DENND3: variants seen among roughly 807,000 people sequenced by gnomAD.
DENND3 encodes DENN domain-containing protein 3.
DENND3 carries 88 observed loss-of-function variants against 135.1 expected under a neutral mutation model. That is an observed-to-expected ratio of 0.65 (90% CI 0.55 to 0.78). The LOEUF is 0.78. Among genes scored for constraint, DENND3 ranks in the 30% least tolerant of loss-of-function variants. DENND3 has a pLI of 0.00. For synonymous variants in DENND3, 693 were observed against 712.3 expected (o/e 0.97, Z 0.43); for missense variants, 1,392 against 1,688.4 (o/e 0.82, Z 3.08).
chr8:141,136,702 TC>T lies in DENND3; in HGVS notation c.299del (p.Pro100ArgfsTer48). The T allele has an allele frequency of 2.5e-6, 4 of 1,612,674 alleles. No individual in the cohort carries two copies. Among genetic ancestry groups the T allele is most frequent in the African/African-American group, 1.3e-5 (1 of 75,020 alleles). ...CCCAGACCAGAGCAGTGGAAGGGCC[TC>T]CCGGGGCCCCCCAGAGCGCCAGAGC... Reference protein sequence around the residue: ...EKPRPEQWKGLPGPPRAPEPE... With the variant: ...EKPRPEQWKGXPGPPRAPEPE... On this transcript the variant is annotated frameshift_variant, in exon 2 of 23. Coordinates refer to ENST00000519811, the MANE Select transcript of DENND3 (RefSeq NM_001352890.3). LOFTEE classifies it high-confidence loss of function.
intron 22 of DENND3, chr8:141,193,689 G>A (rs901004194): frequency 1.5e-5 from 5 of 339,306 alleles, no homozygotes; most frequent in African/African-American, 4.1e-5. Flanking sequence ...GGTATACAAG[G>A]TGATATTTCA....
In DENND3 at chr8:141,154,030, T is replaced by A. The variant is rs1819138444; in HGVS notation, c.1075-1819T>A. 6.6e-6 allele frequency among the ~76,000 whole-genome samples: 1 copy of A among 152,214 alleles called. No individual in the cohort carries two copies. Among genetic ancestry groups the A allele is most frequent in the Non-Finnish European group, 1.5e-5 (1 of 68,036 alleles). ...TATGCGCCTCCACCAAACACTTGTG[T>A]CTCCCAAAGACGCTGGGCGTTAACA... On this transcript the variant is annotated intron_variant, in intron 7 of 22. Transcript: ENST00000519811. This position sits in a 1 kb window ranked among gnomAD's most constrained non-coding sequence, Gnocchi z 4.4.
intron 20 of DENND3, 108 bp from the exon 21 acceptor site, chr8:141,192,223 A>T: frequency 6.8e-7 from 1 of 1,481,470 alleles, no homozygotes; most frequent in Non-Finnish European, 9.1e-7. Flanking sequence ...GCACGTGGTG[A>T]TCCCCCCCAT....
rs879678183 is a variant in DENND3 at position 141,130,866 on chromosome 8, T to C, written c.102+2057T>C. Among the ~76,000 whole-genome samples the C allele has an allele frequency of 2.6e-5, 4 of 152,114 alleles. No individual in the cohort carries two copies. The highest frequency in any genetic ancestry group is 2.6e-4 in the Admixed American group (4 of 15,268). On this transcript the variant is annotated intron_variant, in intron 1 of 22. Coordinates refer to ENST00000519811, the MANE Select transcript of DENND3 (RefSeq NM_001352890.3). The surrounding 1 kb of genome is among the most constrained non-coding windows in gnomAD (Gnocchi z 4.2). ...CATGCCCAGCTAATTTTTGTATTTT[T>C]AGTAGAGACAGGGTTTCACCACGTT...
chr8:141,157,659 C>T, intron 8 of DENND3: 1 of 986,024 alleles, frequency 1.0e-6, no homozygotes, highest in Non-Finnish European at 1.2e-6. Context: ...GGTTTCTGGC[C>T]TGGCCTTTCA....
intron 8 of DENND3, chr8:141,158,055 C>T: frequency 8.3e-7 from 1 of 1,197,880 alleles, no homozygotes; most frequent in African/African-American, 1.6e-5. Flanking sequence ...CCACCGCGCC[C>T]AGTCGGAGAA....
At position 141,180,959 on chromosome 8, in the gene DENND3, G is replaced by A; in HGVS notation, c.2944+105G>A. On this transcript the variant is annotated intron_variant, in intron 17 of 22. Transcript: ENST00000519811. ...GAAGTGAAAGGGGAGCCAGTGTCAC[G>A]GGATAAGTGGGGACAAGGTGCCTGT... The A allele has an allele frequency of 7.1e-6, 6 of 846,404 alleles. No homozygotes were observed. In the East Asian group the frequency reaches 8.2e-5, roughly 12 times the overall value. 52.4% of individuals were successfully genotyped at this position (846,404 alleles called of 1,614,324 possible).
At chr8:141,163,705 C>T (rs185079900) in intron 10 of DENND3, among the ~76,000 whole-genome samples, 3,650 of 151,920 alleles carry the variant, frequency 0.024, 61 homozygotes, top group Middle Eastern at 0.048. Flanking sequence ...GTCAGGAGTT[C>T]GAGACCAGCC....
intron 1 of DENND3, among the ~76,000 whole-genome samples, chr8:141,132,558 T>C (rs1816261075): frequency 2.0e-5 from 3 of 152,158 alleles, no homozygotes; most frequent in Admixed American, 2.0e-4. Flanking sequence ...GGTTTCTCCA[T>C]GTTGATCAGG....
At chr8:141,147,291 G>T (rs1331395820) in intron 5 of DENND3, among the ~76,000 whole-genome samples, 1 of 152,176 alleles carries the variant, frequency 6.6e-6, no homozygotes, top group Non-Finnish European at 1.5e-5. Flanking sequence ...TTTGTCCTCT[G>T]CACAGTGGCT....
At position 141,165,264 on chromosome 8, in the gene DENND3, C is replaced by G; in HGVS notation, c.1528C>G (p.Leu510Val). ...RRMDAFAQMD[L>V]DTQSEEDRIN... is the part of the protein sequence containing the mutation. ...GATGGACGCCTTTGCTCAGATGGAC[C>G]TCGACACCCAGTCGGAGGAGGACAG... Residue 510 changes from leucine to valine, a missense_variant, in exon 11 of 23, where the codon CTC becomes GTC. Coordinates refer to ENST00000519811, the MANE Select transcript of DENND3 (RefSeq NM_001352890.3). 6.2e-7 allele frequency: 1 copy of G among 1,614,142 alleles called. No homozygotes were observed. The highest frequency in any genetic ancestry group is 1.1e-5 in the South Asian group (1 of 91,084).
chr8:141,189,760 G>A (rs1049354474), intron 19 of DENND3, among the ~76,000 whole-genome samples: 1 of 152,208 alleles, frequency 6.6e-6, no homozygotes, highest in Non-Finnish European at 1.5e-5. Flanking sequence ...GTAGGGAGGT[G>A]CTAGTCTGGA....
At position 141,138,866 on chromosome 8, in the gene DENND3, T is replaced by G. The variant is rs1240324476; in HGVS notation, c.501+729T>G. Reference sequence around the variant, plus strand: ...GGCGAGTGACATTCCATCGTTTGGATGGACCACATTTTATTTCTCCGTGTA... The same window carrying G: ...GGCGAGTGACATTCCATCGTTTGGAGGGACCACATTTTATTTCTCCGTGTA... On this transcript the variant is annotated intron_variant, in intron 3 of 22. Transcript: ENST00000519811. The surrounding 1 kb of genome is among the most constrained non-coding windows in gnomAD (Gnocchi z 4.8). 6.6e-6 allele frequency among the ~76,000 whole-genome samples: 1 copy of G among 152,224 alleles called. No individual in the cohort carries two copies. Among genetic ancestry groups the G allele is most frequent in the Non-Finnish European group, 1.5e-5 (1 of 68,036 alleles).
At chr8:141,184,822 G>A in intron 17 of DENND3, 1 of 232,962 alleles carries the variant, frequency 4.3e-6, no homozygotes, top group Non-Finnish European at 8.4e-6. Flanking sequence ...AGTTCCCTCT[G>A]CCTGGCTGTT....
intron 5 of DENND3, among the ~76,000 whole-genome samples, chr8:141,149,730 G>A (rs527948247): frequency 6.6e-6 from 1 of 152,358 alleles, no homozygotes; most frequent in South Asian, 2.1e-4. Context: ...AGCCGGGCAC[G>A]GGCATGAGGA....
intron 17 of DENND3, among the ~76,000 whole-genome samples, chr8:141,184,050 G>A (rs2154613449): frequency 6.6e-6 from 1 of 152,298 alleles, no homozygotes; most frequent in Admixed American, 6.5e-5. Context: ...CCTGCTTCTT[G>A]GGCTGTCTCA....
rs202000214 is a variant in DENND3 at position 141,136,645 on chromosome 8, G to A, written c.239G>A (p.Arg80Gln). 1.3e-5 allele frequency: 21 copies of A among 1,612,234 alleles called. No homozygotes were observed. In the East Asian group the frequency reaches 2.2e-4, roughly 17 times the overall value. The change falls in exon 2 of 23, where the codon CGG becomes CAG. Residue 80 changes from arginine (R) to glutamine (Q), a missense_variant. Coordinates refer to ENST00000519811, the MANE Select transcript of DENND3 (RefSeq NM_001352890.3). ...GANCGTLGKT[R>Q]MRSLRKKREK... ...AACTGCGGCACTCTCGGTAAAACCC[G>A]GATGCGCTCCTTGAGAAAGAAGAGA...
rs145574513 is a variant in DENND3, at chr8:141,161,042, G to C, written c.1352+255G>C. 3.5e-3 allele frequency among the ~76,000 whole-genome samples: 511 copies of C among 144,632 alleles called. 3 individuals carry two copies. The highest frequency in any genetic ancestry group is 0.013 in the African/African-American group (492 of 38,250). 94.9% of individuals were successfully genotyped at this position (144,632 alleles called of 152,430 possible). ...CCTGCTGGTGACTGCCTTCCTAACA[G>C]CTTCTCCTGCTGGTGACTGTGCCTT... On this transcript the variant is annotated intron_variant, in intron 9 of 22. Transcript: ENST00000519811.
intron 9 of DENND3, among the ~76,000 whole-genome samples, chr8:141,162,794 G>A (rs1287088150): frequency 7.2e-5 from 11 of 152,174 alleles, no homozygotes; most frequent in African/African-American, 2.2e-4. Context: ...TGTACCTGTA[G>A]TCCCAGCTAC....
Sources: gnomAD v4.1 joint callset for allele counts (sites outside exome capture counted in the v4.1 genomes callset) on GRCh38, gnomAD v4.1.1 for gene constraint, Gnocchi (gnomAD v3.1) non-coding constraint, MANE v1.5 for transcripts, NCBI Gene and HGNC (gene_info 2026-07-23, HGNC 2026-07-21) for gene names.